The following CFAP251 variants were observed in gnomAD, a reference collection of about 807,000 sequenced individuals.
CFAP251 encodes cilia and flagella associated protein 251.
Under a neutral mutation model 126.7 loss-of-function variants are expected in CFAP251, and 93 were observed. The observed-to-expected ratio is 0.73, with a 90% CI of 0.62 to 0.87. The LOEUF (loss-of-function observed/expected upper bound fraction) is 0.87. Among genes scored for constraint, CFAP251 ranks in the 40% least tolerant of loss-of-function variants. The probability of loss-of-function intolerance (pLI) is 0.00; values close to 1 mark genes in which losing one functional copy is unlikely to be tolerated. For synonymous variants in CFAP251, 503 were observed against 506.9 expected, an observed-to-expected ratio of 0.99 and a Z score of 0.10; for missense variants, 1,287 against 1,389.2, an observed-to-expected ratio of 0.93 and a Z score of 1.17.
chr12:121,930,384 G>A (rs895136776), intron 3 of CFAP251, among the ~76,000 whole-genome samples: 1 of 151,952 alleles, frequency 6.6e-6, no homozygotes, highest in African/African-American at 2.4e-5. Context: ...CTACTCGGGA[G>A]GCTGAGGCAG....
Position 121,973,355 on chromosome 12 carries a change from A to G in CFAP251, c.2772-1889A>G, listed in dbSNP as rs187342223. Among the ~76,000 whole-genome samples, 223 of 152,330 alleles carry G rather than the reference A, an allele frequency of 1.5e-3. 1 individual carries two copies. The highest frequency in any genetic ancestry group is 2.4e-3 in the Non-Finnish European group (166 of 68,020). The stretch of plus-strand genomic sequence containing the variant: ...TGATGCCCAGGCAGAAGTTTGTTGC[A>G]GGGGCGGGGCCCTCATGGAGCACCT... On this transcript the variant is annotated intron_variant, in intron 17 of 21. Transcript: ENST00000288912.
At chr12:121,928,454 T>C (rs1272307742) in intron 3 of CFAP251, among the ~76,000 whole-genome samples, 1 of 151,760 alleles carries the variant, frequency 6.6e-6, no homozygotes, top group Non-Finnish European at 1.5e-5. Flanking sequence ...TATGTCTGTC[T>C]TGGGGAGAAA....
At chr12:121,969,358 G>C in intron 17 of CFAP251, 1 of 985,394 alleles carries the variant, frequency 1.0e-6, no homozygotes, top group Non-Finnish European at 1.2e-6. Context: ...TTAGGAGCTG[G>C]AGGTGAACTC....
intron 17 of CFAP251, among the ~76,000 whole-genome samples, chr12:121,968,723 C>T (rs947650912): frequency 6.6e-6 from 1 of 152,110 alleles, no homozygotes; most frequent in African/African-American, 2.4e-5. Context: ...CTTTAGATTC[C>T]TTGCATGCAA....
chr12:121,961,838 A>G, intron 14 of CFAP251, 140 bp from the exon 15 acceptor site: 1 of 801,784 alleles, frequency 1.2e-6, no homozygotes, highest in South Asian at 1.8e-5. Flanking sequence ...GTCTTCTCTT[A>G]GGAGACCTGA....
chr12:121,940,356 GC>G (rs1383306644), intron 5 of CFAP251, among the ~76,000 whole-genome samples: 1 of 152,122 alleles, frequency 6.6e-6, no homozygotes, highest in South Asian at 2.1e-4. Flanking sequence ...TTTTGGAATT[GC>G]CTTCCCAGGT....
intron 7 of CFAP251, among the ~76,000 whole-genome samples, chr12:121,944,971 C>G (rs752065518): frequency 1.7e-4 from 26 of 152,046 alleles, no homozygotes; most frequent in Non-Finnish European, 2.5e-4. Context: ...TTTTCAGAGA[C>G]AGAGTTTTGC....
chr12:121,967,679 A>G (rs577242773), intron 16 of CFAP251, among the ~76,000 whole-genome samples: 16 of 152,270 alleles, frequency 1.1e-4, no homozygotes, highest in Non-Finnish European at 2.4e-4. Flanking sequence ...TCCAGCCTGG[A>G]CGACAGAGTG....
chr12:122,000,068 T>C, intron 20 of CFAP251, 124 bp downstream of exon 20: 1 of 898,360 alleles, frequency 1.1e-6, no homozygotes, highest in Non-Finnish European at 1.7e-6. Flanking sequence ...TGACCAGATT[T>C]GAGCCATGAG....
chr12:121,955,808 T>C (rs1008987000), intron 10 of CFAP251: 1 of 152,176 alleles, frequency 6.6e-6, no homozygotes, highest in African/African-American at 2.4e-5. Context: ...AATCAACCTT[T>C]AATCGGTTGG....
intron 2 of CFAP251, 21 bp downstream of exon 2, chr12:121,921,704 A>G (rs1268466741): frequency 1.3e-6 from 2 of 1,582,534 alleles, no homozygotes; most frequent in Non-Finnish European, 1.7e-6. Context: ...ATCTTAATTC[A>G]TTCATCAATT....
chr12:122,003,605 C>A, intron 21 of CFAP251, 47 bp from the exon 22 acceptor site: 1 of 1,492,004 alleles, frequency 6.7e-7, no homozygotes, highest in Non-Finnish European at 9.3e-7. Context: ...AAGAAAGAAA[C>A]ATAATCATCA....
chr12:121,962,720 G>GAAAAGA (rs1881984240), intron 15 of CFAP251, among the ~76,000 whole-genome samples: 1 of 151,632 alleles, frequency 6.6e-6, no homozygotes, highest in Non-Finnish European at 1.5e-5. Context: ...AAAGGAAAAG[G>GAAAAGA]AAAAGGCAGG....
intron 19 of CFAP251, among the ~76,000 whole-genome samples, chr12:121,991,446 G>T (rs1036025426): frequency 6.6e-6 from 1 of 152,212 alleles, no homozygotes; most frequent in Non-Finnish European, 1.5e-5. Flanking sequence ...AGTATTCAAA[G>T]TGTGGTCCCC....
At position 121,958,587 on chromosome 12, in the gene CFAP251, C is replaced by T. The variant is rs1408151610; in HGVS notation, c.1981+65C>T. 1.9e-6 allele frequency: 3 copies of T among 1,596,350 alleles called. No homozygotes were observed. In the Admixed American group the frequency reaches 5.1e-5, roughly 27 times the overall value. ...ACAGCCCTGAAAGGGATGGATGCAC[C>T]TGGGCTGGCATAGCTCCAGGAAGTC... is the stretch of plus-strand genomic sequence containing the variant. On this transcript the variant is annotated intron_variant, in intron 12 of 21. Coordinates refer to ENST00000288912, the MANE Select transcript of CFAP251 (RefSeq NM_144668.6).
intron 3 of CFAP251, among the ~76,000 whole-genome samples, chr12:121,927,428 G>A (rs1287349416): frequency 5.3e-5 from 8 of 151,938 alleles, no homozygotes; most frequent in Non-Finnish European, 1.0e-4. Context: ...CTCTCATGTA[G>A]CTGGGATTAT....
chr12:121,971,709 C>A (rs773615049), intron 17 of CFAP251: 68 of 684,714 alleles, frequency 9.9e-5, no homozygotes, highest in Non-Finnish European at 1.6e-4. Context: ...CCTTAACAAA[C>A]ATTCATTACA....
At chr12:121,971,720 G>A (rs1191365499) in intron 17 of CFAP251, 1 of 670,140 alleles carries the variant, frequency 1.5e-6, no homozygotes, top group East Asian at 2.7e-5. Flanking sequence ...ATTCATTACA[G>A]GAGGAAAATA....
intron 17 of CFAP251, among the ~76,000 whole-genome samples, chr12:121,973,993 G>A (rs115379381): frequency 0.011 from 1,664 of 152,208 alleles, 21 homozygotes; most frequent in African/African-American, 0.037. Context: ...GGTCAGAGGC[G>A]GAATGATATG....
Sources: gnomAD v4.1 joint callset for allele counts (sites outside exome capture counted in the v4.1 genomes callset) on GRCh38, gnomAD v4.1.1 for gene constraint, MANE v1.5 for transcripts, NCBI Gene and HGNC (gene_info 2026-07-23, HGNC 2026-07-21) for gene names.